TRIM33: variants seen among roughly 807,000 people sequenced by gnomAD.
TRIM33 encodes the protein tripartite motif containing 33.
A neutral mutation model predicts 125.4 loss-of-function variants in TRIM33; 20 were observed. The observed-to-expected ratio is 0.16, with a 90% confidence interval of 0.11 to 0.23. The LOEUF is 0.23. Among genes scored for constraint, TRIM33 ranks in the 10% least tolerant of loss-of-function variants. The probability of loss-of-function intolerance (pLI) is 1.00; values close to 1 mark genes in which losing one functional copy is unlikely to be tolerated. For synonymous variants in TRIM33, 564 were observed against 513.9 expected, an observed-to-expected ratio of 1.10 and a Z score of -1.32; for missense variants, 920 against 1,411.4, an observed-to-expected ratio of 0.65 and a Z score of 5.58.
At chr1:114,428,883 C>T (rs908587066) in intron 6 of TRIM33, among the ~76,000 whole-genome samples, 3 of 151,062 alleles carry the variant, frequency 2.0e-5, no homozygotes, top group Non-Finnish European at 4.4e-5. Flanking sequence ...TTAACAGAGT[C>T]TCACTCTGTC....
chr1:114,461,012 G>A (rs1315943736), intron 4 of TRIM33, among the ~76,000 whole-genome samples: 1 of 151,558 alleles, frequency 6.6e-6, no homozygotes, highest in Non-Finnish European at 1.5e-5. Context: ...CGTGGGAACC[G>A]CCCCGCCCCA....
At chr1:114,464,623 G>A (rs563412619) in intron 1 of TRIM33, among the ~76,000 whole-genome samples, 1 of 152,192 alleles carries the variant, frequency 6.6e-6, no homozygotes, top group South Asian at 2.1e-4. Flanking sequence ...TATAATATGT[G>A]GTTAGCTGAA....
intron 1 of TRIM33, among the ~76,000 whole-genome samples, chr1:114,500,595 G>T (rs962870061): frequency 1.3e-4 from 19 of 142,956 alleles, no homozygotes; most frequent in African/African-American, 4.7e-4. Context: ...CTTGGAAAAA[G>T]AAATTTTTTA....
chr1:114,485,053 T>TAA (rs71580624), intron 1 of TRIM33, among the ~76,000 whole-genome samples: 8 of 145,284 alleles, frequency 5.5e-5, no homozygotes, highest in South Asian at 2.2e-4. Flanking sequence ...CTCTGTCTTT[T>TAA]AAAAAAAAAA....
chr1:114,503,431 T>C (rs1196595642), intron 1 of TRIM33, among the ~76,000 whole-genome samples: 2 of 152,188 alleles, frequency 1.3e-5, no homozygotes, highest in African/African-American at 4.8e-5. Context: ...TGAGCCAAGA[T>C]TGCGCCACTG....
At chr1:114,454,452 C>T (rs1254689730) in intron 4 of TRIM33, among the ~76,000 whole-genome samples, 1 of 151,926 alleles carries the variant, frequency 6.6e-6, no homozygotes, top group African/African-American at 2.4e-5. Flanking sequence ...TTGAGAGGTC[C>T]TGGAGGAAGG....
At chr1:114,478,250 A>G (rs1266866914) in intron 1 of TRIM33, among the ~76,000 whole-genome samples, 2 of 152,228 alleles carry the variant, frequency 1.3e-5, no homozygotes, top group Non-Finnish European at 2.9e-5. Flanking sequence ...GTTTTACTAG[A>G]ATGGGGCTGA....
At chr1:114,402,550 A>G (rs1339982672) in intron 16 of TRIM33, among the ~76,000 whole-genome samples, 2 of 152,136 alleles carry the variant, frequency 1.3e-5, no homozygotes, top group Non-Finnish European at 2.9e-5. Flanking sequence ...TAGTTGGGAC[A>G]TGTTAAGTTT....
chr1:114,397,147 G>A lies in TRIM33; in HGVS notation c.*501C>T, dbSNP rs997850776. The stretch of plus-strand genomic sequence containing the variant: ...GCATGATTCAATGCAAATCTGCACT[G>A]ACATTAAAGTAGAATCTGAGCTACT... On this transcript the variant is annotated 3_prime_UTR_variant, in exon 20 of 20. Coordinates refer to ENST00000358465, the MANE Select transcript of TRIM33 (RefSeq NM_015906.4). 3 of 228,510 alleles carry A rather than the reference G, an allele frequency of 1.3e-5. No homozygotes were observed. The highest frequency in any genetic ancestry group is 5.4e-5 in the Admixed American group (1 of 18,676). 14.2% of individuals were successfully genotyped at this position (228,510 alleles called of 1,614,324 possible).
At chr1:114,508,505 C>G (rs1051335883) in intron 1 of TRIM33, among the ~76,000 whole-genome samples, 14 of 152,300 alleles carry the variant, frequency 9.2e-5, no homozygotes, top group African/African-American at 3.4e-4. Context: ...AGTAGCTTCT[C>G]CAACAACCAA....
At chr1:114,504,286 C>A (rs777722856) in intron 1 of TRIM33, among the ~76,000 whole-genome samples, 3 of 152,106 alleles carry the variant, frequency 2.0e-5, no homozygotes, top group Non-Finnish European at 4.4e-5. Context: ...CCACTTCAGT[C>A]TCCTGAGTAG....
At chr1:114,447,189 T>C (rs1649032128) in intron 4 of TRIM33, among the ~76,000 whole-genome samples, 1 of 152,076 alleles carries the variant, frequency 6.6e-6, no homozygotes, top group South Asian at 2.1e-4. Flanking sequence ...AGAGGTAGTA[T>C]TAGAAGCATA....
At chr1:114,444,452 G>T (rs894271196) in intron 4 of TRIM33, among the ~76,000 whole-genome samples, 2 of 152,130 alleles carry the variant, frequency 1.3e-5, no homozygotes, top group African/African-American at 4.8e-5. Context: ...ATCTCCCTGG[G>T]ATCTACCTGA....
At chr1:114,441,181 T>C (rs1461579839) in intron 4 of TRIM33, among the ~76,000 whole-genome samples, 1 of 152,208 alleles carries the variant, frequency 6.6e-6, no homozygotes, top group Non-Finnish European at 1.5e-5. Flanking sequence ...TGGTGGCACA[T>C]GCCTGTGCTT....
intron 5 of TRIM33, among the ~76,000 whole-genome samples, chr1:114,431,885 A>G (rs1238409273): frequency 6.6e-6 from 1 of 152,220 alleles, no homozygotes; most frequent in African/African-American, 2.4e-5. Context: ...TAAGAAATAT[A>G]GGTTTCAAAT....
At chr1:114,399,327 C>CA in intron 18 of TRIM33, 130 bp downstream of exon 18, 1 of 721,480 alleles carries the variant, frequency 1.4e-6, no homozygotes, top group Non-Finnish European at 2.2e-6. Context: ...TTAATACAAT[C>CA]AGATGTTACT....
At chr1:114,458,706 G>A (rs1014945821) in intron 4 of TRIM33, among the ~76,000 whole-genome samples, 2 of 152,094 alleles carry the variant, frequency 1.3e-5, no homozygotes, top group African/African-American at 4.8e-5. Context: ...CTCTTTCTCT[G>A]CTACACCTCC....
chr1:114,449,048 A>C (rs964902954), intron 4 of TRIM33, among the ~76,000 whole-genome samples: 1 of 152,130 alleles, frequency 6.6e-6, no homozygotes, highest in Non-Finnish European at 1.5e-5. Context: ...AAAACCTTTG[A>C]GAGATGAAGG....
At chr1:114,499,468 A>G (rs796071638) in intron 1 of TRIM33, among the ~76,000 whole-genome samples, 35 of 152,182 alleles carry the variant, frequency 2.3e-4, no homozygotes, top group African/African-American at 8.4e-4. Flanking sequence ...GGGGTAAGGA[A>G]AAAAGTTTTC....
Sources: allele counts gnomAD v4.1 joint callset (sites outside exome capture counted in the v4.1 genomes callset), GRCh38; gene constraint gnomAD v4.1.1; transcripts MANE v1.5; gene names NCBI Gene and HGNC (gene_info 2026-07-23, HGNC 2026-07-21).